FILIP1L: variants seen among roughly 807,000 people sequenced by gnomAD.
FILIP1L encodes the protein filamin A-interacting protein 1-like.
Under a neutral mutation model 96.6 loss-of-function variants are expected in FILIP1L, and 55 were observed. The ratio of observed to expected loss-of-function variants is 0.57; its 90% CI spans 0.46 to 0.71. The LOEUF is 0.71. Among genes scored for constraint, FILIP1L ranks in the 30% least tolerant of loss-of-function variants. The pLI is 0.00. For synonymous variants in FILIP1L, 467 were observed against 473.9 expected (o/e 0.99, Z 0.19); for missense variants, 1,304 against 1,321.2 (o/e 0.99, Z 0.20).
intron 1 of FILIP1L, among the ~76,000 whole-genome samples, chr3:100,021,802 T>TAAATGATTA (rs2064822279): frequency 6.6e-6 from 1 of 152,194 alleles, no homozygotes; most frequent in African/African-American, 2.4e-5. Flanking sequence ...AGATATCCCC[T>TAAATGATTA]AAATGATTAA....
chr3:100,037,143 A>C (rs2065121428), intron 1 of FILIP1L, among the ~76,000 whole-genome samples: 1 of 151,068 alleles, frequency 6.6e-6, no homozygotes, highest in South Asian at 2.1e-4. Flanking sequence ...AAATGTGGGG[A>C]TGAAACATAA....
chr3:100,088,159 G>A (rs1387012680), intron 1 of FILIP1L, among the ~76,000 whole-genome samples: 1 of 152,096 alleles, frequency 6.6e-6, no homozygotes, highest in African/African-American at 2.4e-5. Flanking sequence ...AACTACTTTT[G>A]TAGGTTTTTA....
chr3:99,939,876 TTC>T (rs1393411176), intron 1 of FILIP1L, among the ~76,000 whole-genome samples: 2 of 152,216 alleles, frequency 1.3e-5, no homozygotes, highest in Admixed American at 1.3e-4. Flanking sequence ...AAGCTAGGTA[TTC>T]TGACTTTTTT....
chr3:99,989,398 C>T (rs1188156386), intron 1 of FILIP1L, among the ~76,000 whole-genome samples: 2 of 152,142 alleles, frequency 1.3e-5, no homozygotes, highest in East Asian at 3.9e-4. Flanking sequence ...TATCACTTCC[C>T]ATTCTAGTAT....
rs141270906 is a variant in FILIP1L at position 100,101,528 on chromosome 3, G to C, written c.-11+12525C>G. Among the ~76,000 whole-genome samples the C allele has an allele frequency of 4.6e-3, 693 of 152,208 alleles. 7 individuals carry two copies. The highest frequency in any genetic ancestry group is 0.016 in the African/African-American group (678 of 41,534). ...GTGAAGTACTTCCATTGGAATTCTTGATTGTGGTGGAAATAAATATACCCT... is the reference window on the plus strand; with the variant it reads ...GTGAAGTACTTCCATTGGAATTCTTCATTGTGGTGGAAATAAATATACCCT... On this transcript the variant is annotated intron_variant, in intron 1 of 5. Transcript: ENST00000477258.
At chr3:99,916,715 A>G (rs1706965962) in intron 4 of FILIP1L, among the ~76,000 whole-genome samples, 1 of 152,170 alleles carries the variant, frequency 6.6e-6, no homozygotes, top group South Asian at 2.1e-4. Context: ...GGATGGGACC[A>G]TGCTTCATGG....
intron 4 of FILIP1L, among the ~76,000 whole-genome samples, chr3:99,866,613 G>A (rs547139824): frequency 2.0e-5 from 3 of 152,280 alleles, no homozygotes; most frequent in African/African-American, 7.2e-5. Flanking sequence ...ACATTTAAGA[G>A]TACTTAGAGG....
intron 1 of FILIP1L, among the ~76,000 whole-genome samples, chr3:100,110,811 T>C (rs533596348): frequency 7.2e-5 from 11 of 152,156 alleles, no homozygotes; most frequent in Non-Finnish European, 1.0e-4. Flanking sequence ...AGCCTACTTA[T>C]GCTTGCACCA....
chr3:100,076,421 A>G (rs550863644), intron 1 of FILIP1L, among the ~76,000 whole-genome samples: 1 of 152,226 alleles, frequency 6.6e-6, no homozygotes, highest in East Asian at 1.9e-4. Context: ...TTTTTCTTTT[A>G]TCATTGTCAG....
chr3:100,088,281 G>C (rs1313650859), intron 1 of FILIP1L, among the ~76,000 whole-genome samples: 2 of 152,082 alleles, frequency 1.3e-5, no homozygotes, highest in Non-Finnish European at 2.9e-5. Flanking sequence ...AATTGATACA[G>C]AAAAAAATAG....
Position 99,830,386 on chromosome 3 carries a change from A to G in FILIP1L, c.*28T>C, listed in dbSNP as rs1942630791. The G allele has an allele frequency of 7.8e-6, 3 of 386,560 alleles. No homozygotes were observed. Among genetic ancestry groups the G allele is most frequent in the Admixed American group, 5.8e-5 (2 of 34,358 alleles). The allele number at this position is 386,560 out of a possible 1,614,324, so 23.9% of individuals were successfully genotyped here. A position where few individuals can be genotyped will look rare whatever the true frequency, so the allele number is the denominator to read the frequency against. On this transcript the variant is annotated 3_prime_UTR_variant, in exon 6 of 6. Coordinates refer to ENST00000477258, the MANE Select transcript of FILIP1L (RefSeq NM_001387850.1). ...GCTTTCCACATATTTCTGTAGATGA[A>G]TGTATCCAGGCAGTGCATTGGTATG... is the stretch of plus-strand genomic sequence containing the variant.
In FILIP1L at chr3:99,904,323, G is replaced by T. The variant is rs113457952; in HGVS notation, c.605+19907C>A. On this transcript the variant is annotated intron_variant, in intron 4 of 5. Transcript: ENST00000477258. Reference sequence around the variant, plus strand: ...TGGAAGAGATCTTTCAGTAGGGAGAGAAAACATTGCTATCCAATCAAGTAT... The same window carrying T: ...TGGAAGAGATCTTTCAGTAGGGAGATAAAACATTGCTATCCAATCAAGTAT... Among the ~76,000 whole-genome samples, 1,379 of 152,322 alleles carry T rather than the reference G, an allele frequency of 9.1e-3. 24 individuals are homozygous for T. Among genetic ancestry groups the T allele is most frequent in the African/African-American group, 0.031 (1,309 of 41,560 alleles).
intron 4 of FILIP1L, among the ~76,000 whole-genome samples, chr3:99,888,865 G>A (rs1422845894): frequency 6.6e-6 from 1 of 151,704 alleles, no homozygotes; most frequent in African/African-American, 2.4e-5. Context: ...GATCTTATTG[G>A]GCTTTCATCT....
intron 1 of FILIP1L, among the ~76,000 whole-genome samples, chr3:100,038,388 A>G (rs906260179): frequency 6.6e-6 from 1 of 152,234 alleles, no homozygotes; most frequent in African/African-American, 2.4e-5. Context: ...AAGATATTGA[A>G]TTATCCAAAA....
At chr3:100,045,181 C>T (rs1351987104) in intron 1 of FILIP1L, among the ~76,000 whole-genome samples, 3 of 152,214 alleles carry the variant, frequency 2.0e-5, no homozygotes, top group Admixed American at 6.5e-5. Flanking sequence ...CGAATATGAC[C>T]TCTCGAAGCC....
intron 1 of FILIP1L, among the ~76,000 whole-genome samples, chr3:100,094,674 CTTTTTTTTTTTTTTTTT>C (rs71132509): frequency 1.8e-5 from 1 of 57,002 alleles, no homozygotes; most frequent in Non-Finnish European, 3.2e-5. Context: ...GAAAAGCTGC[CTTTTTTTTTTTTTTTTT>C]TTTTTTTTTT....
intron 1 of FILIP1L, among the ~76,000 whole-genome samples, chr3:99,996,784 G>A (rs905270810): frequency 6.6e-6 from 1 of 151,878 alleles, no homozygotes; most frequent in Non-Finnish European, 1.5e-5. Context: ...ACAGTATGGG[G>A]AAAACCGGCC....
intron 4 of FILIP1L, among the ~76,000 whole-genome samples, chr3:99,882,521 A>G (rs536467008): frequency 6.6e-6 from 1 of 152,336 alleles, no homozygotes; most frequent in Non-Finnish European, 1.5e-5. Context: ...CTTTCATAAA[A>G]TCATATTTTA....
At chr3:99,852,973 T>C (rs899637876) in intron 4 of FILIP1L, among the ~76,000 whole-genome samples, 2 of 152,222 alleles carry the variant, frequency 1.3e-5, no homozygotes, top group Non-Finnish European at 2.9e-5. Flanking sequence ...CTGTGGCTTA[T>C]AAAATTCAGA....
Sources: gnomAD v4.1 joint callset for allele counts (sites outside exome capture counted in the v4.1 genomes callset) on GRCh38, gnomAD v4.1.1 for gene constraint, MANE v1.5 for transcripts, NCBI Gene and HGNC (gene_info 2026-07-23, HGNC 2026-07-21) for gene names.